ZNF865: variants seen among roughly 807,000 people sequenced by gnomAD.
ZNF865 encodes zinc finger protein 865.
For missense variants in ZNF865, 1,311 were observed against 1,593.4 expected (o/e 0.82, Z 3.02); for synonymous variants, 763 against 750.8 (o/e 1.02, Z -0.27).
chr19:55,614,912 G>C lies in ZNF865; in HGVS notation c.1294G>C (p.Ala432Pro). The C allele has an allele frequency of 6.7e-7, 1 of 1,486,306 alleles. No homozygotes were observed. The highest frequency in any genetic ancestry group is 8.9e-7 in the Non-Finnish European group (1 of 1,123,580). The allele number at this position is 1,486,306 out of a possible 1,614,324, so 92.1% of individuals were successfully genotyped here. A position where few individuals can be genotyped will look rare whatever the true frequency, so the allele number is the denominator to read the frequency against. The change falls in exon 2 of 2, where the codon GCG (alanine) becomes CCG (proline). Residue 432 changes from alanine (A) to proline (P), a missense_variant. Coordinates refer to ENST00000568956, the MANE Select transcript of ZNF865 (RefSeq NM_001195605.2). This position sits in a 1 kb window ranked among gnomAD's most constrained non-coding sequence, Gnocchi z 8.0. ...LLKHQAAHAG[A>P]GAGGPRPVYP... ...CAAGCACCAGGCGGCCCACGCGGGG[G>C]CGGGCGCCGGGGGGCCTCGGCCCGT...
chr19:55,612,537 T>G (rs1381880099), intron 1 of ZNF865: 3 of 152,276 alleles, frequency 2.0e-5, no homozygotes, highest in Admixed American at 2.0e-4. Flanking sequence ...GGTCTTGCTC[T>G]GTCACCCAGG....
At position 55,614,603 on chromosome 19, in the gene ZNF865, G is replaced by T. The variant is rs560744526; in HGVS notation, c.985G>T (p.Gly329Trp). ...CGTGGCGCCTGCCCCCTCCGCAGAC[G>T]GGAGCGCCGCCCCTGCTGGTGTTGG... ...TPVAPAPSAD[G>W]SAAPAGVGVP... Residue 329 changes from glycine to tryptophan, a missense_variant, in exon 2 of 2, where the codon GGG (glycine) becomes TGG (tryptophan). Gly to Trp is a radical substitution (Grantham distance 184, BLOSUM62 -2). Transcript: ENST00000568956. This position sits in a 1 kb window ranked among gnomAD's most constrained non-coding sequence, Gnocchi z 8.0. 4 of 1,523,902 alleles carry T rather than the reference G, an allele frequency of 2.6e-6. No individual in the cohort carries two copies. The highest frequency in any genetic ancestry group is 1.8e-6 in the Non-Finnish European group (2 of 1,141,264). 94.4% of individuals were successfully genotyped at this position (1,523,902 alleles called of 1,614,324 possible). A position where few individuals can be genotyped will look rare whatever the true frequency, so the allele number is the denominator to read the frequency against.
Position 55,609,320 on chromosome 19 carries a change from C to A in ZNF865, c.-27+3588C>A, listed in dbSNP as rs1803107000. 2.0e-5 allele frequency among the ~76,000 whole-genome samples: 3 copies of A among 152,184 alleles called. No individual in the cohort carries two copies. In the South Asian group the frequency reaches 6.2e-4, roughly 31 times the overall value. On this transcript the variant is annotated intron_variant, in intron 1 of 1. Coordinates refer to ENST00000568956, the MANE Select transcript of ZNF865 (RefSeq NM_001195605.2). Reference sequence around the variant, plus strand: ...ACAGGCATGAGCCACCATGCCTGGCCTGACTTTGGAAGTTTAATTTATCTC... The same window carrying A: ...ACAGGCATGAGCCACCATGCCTGGCATGACTTTGGAAGTTTAATTTATCTC...
rs1432909130 is a variant in ZNF865, at chr19:55,614,523, GCGCCGCCAC to G, written c.913_921del (p.Thr305_Ala307del). On this transcript the variant is annotated inframe_deletion, in exon 2 of 2. Coordinates refer to ENST00000568956, the MANE Select transcript of ZNF865 (RefSeq NM_001195605.2). This position sits in a 1 kb window ranked among gnomAD's most constrained non-coding sequence, Gnocchi z 8.0. ...CTGGGCCTCCCAGCACCCGCTGCCA[GCGCCGCCAC>G]CGCCGCCGCCCCCTCCACGGTGTCC... 8.3e-6 allele frequency: 11 copies of G among 1,332,608 alleles called. No homozygotes were observed. Among genetic ancestry groups the G allele is most frequent in the Middle Eastern group, 2.6e-4 (1 of 3,810 alleles). The allele number at this position is 1,332,608 out of a possible 1,614,324, so 82.5% of individuals were successfully genotyped here.
At chr19:55,608,312 C>CTTTT (rs758447041) in intron 1 of ZNF865, among the ~76,000 whole-genome samples, 1 of 125,290 alleles carries the variant, frequency 8.0e-6, no homozygotes, top group Non-Finnish European at 1.7e-5. Context: ...AGGACTGTGG[C>CTTTT]TTTTTTTTTT....
At chr19:55,609,897 A>G (rs1981070583) in intron 1 of ZNF865, among the ~76,000 whole-genome samples, 1 of 152,192 alleles carries the variant, frequency 6.6e-6, no homozygotes, top group African/African-American at 2.4e-5. Context: ...TGTATGAAAG[A>G]GGGAATGTTT....
rs954729497 is a variant in ZNF865, at chr19:55,611,593, T to A, written c.-26-2000T>A. Among the ~76,000 whole-genome samples the A allele has an allele frequency of 2.0e-5, 3 of 152,098 alleles. No homozygotes were observed. Among genetic ancestry groups the A allele is most frequent in the Non-Finnish European group, 4.4e-5 (3 of 68,026 alleles). On this transcript the variant is annotated intron_variant, in intron 1 of 1. Transcript: ENST00000568956. This position sits in a 1 kb window ranked among gnomAD's most constrained non-coding sequence, Gnocchi z 4.5. ...CACCCGGAGCTGGAGACTAAAAATA[T>A]CTCACTCCAGGATGGCGTTTGGGGT...
Position 55,616,877 on chromosome 19 carries a change from C to G in ZNF865, c.*79C>G, listed in dbSNP as rs73058308. 78,646 of 1,360,310 alleles carry G rather than the reference C, an allele frequency of 0.058. 2,601 individuals carry two copies. Among genetic ancestry groups the G allele is most frequent in the Non-Finnish European group, 0.066 (69,605 of 1,047,452 alleles). The allele number at this position is 1,360,310 out of a possible 1,614,324, so 84.3% of individuals were successfully genotyped here. A position where few individuals can be genotyped will look rare whatever the true frequency, so the allele number is the denominator to read the frequency against. ...CCCAGGACTGATCAGACTCTTCCCC[C>G]CTCCTCGCTGTTGCCCCATCCTTCA... is the stretch of plus-strand genomic sequence containing the variant. On this transcript the variant is annotated 3_prime_UTR_variant, in exon 2 of 2. Coordinates refer to ENST00000568956, the MANE Select transcript of ZNF865 (RefSeq NM_001195605.2).
At chr19:55,610,860 G>A (rs1981107676) in intron 1 of ZNF865, among the ~76,000 whole-genome samples, 1 of 152,150 alleles carries the variant, frequency 6.6e-6, no homozygotes, top group African/African-American at 2.4e-5. Flanking sequence ...AGAGACCCAA[G>A]GAGGCTCCAG....
chr19:55,606,317 C>A (rs1387280781), intron 1 of ZNF865, among the ~76,000 whole-genome samples: 1 of 152,048 alleles, frequency 6.6e-6, no homozygotes, highest in Non-Finnish European at 1.5e-5. Flanking sequence ...TTCTGCAGGT[C>A]CTCCAGTGAT....
chr19:55,615,275 G>A lies in ZNF865; in HGVS notation c.1657G>A (p.Gly553Ser), dbSNP rs1363348887. ...CGTCCCAGGAAAGACGTTCTGCTGC[G>A]GCATCTGCGGGCGCGGCTTCGGGCG... ...ASVPGKTFCC[G>S]ICGRGFGRRE... The change falls in exon 2 of 2, where the codon GGC becomes AGC. Residue 553 changes from glycine to serine, a missense_variant. Physicochemically the swap from Gly to Ser is moderately conservative, Grantham distance 56. Transcript: ENST00000568956. The A allele has an allele frequency of 6.6e-7, 1 of 1,525,142 alleles. No individual in the cohort carries two copies. Among genetic ancestry groups the A allele is most frequent in the East Asian group, 2.5e-5 (1 of 39,636 alleles). 94.5% of individuals were successfully genotyped at this position (1,525,142 alleles called of 1,614,324 possible).
At position 55,614,986 on chromosome 19, in the gene ZNF865, G is replaced by T; in HGVS notation, c.1368G>T (p.Leu456=). Residue 456 remains leucine, a synonymous_variant, in exon 2 of 2, where the codon CTG becomes CTT. Transcript: ENST00000568956. The surrounding 1 kb of genome is among the most constrained non-coding windows in gnomAD (Gnocchi z 8.0). ...CGKSYSAPQS[L]LRHKAAHAPP... ...AGTCCTACTCGGCTCCGCAGAGCCT[G>T]CTCCGCCACAAGGCCGCCCACGCCC... 1 of 1,416,694 alleles carries T rather than the reference G, an allele frequency of 7.1e-7. No individual in the cohort carries two copies. Among genetic ancestry groups the T allele is most frequent in the Middle Eastern group, 2.0e-4 (1 of 5,024 alleles). The allele number at this position is 1,416,694 out of a possible 1,614,324, so 87.8% of individuals were successfully genotyped here. A position where few individuals can be genotyped will look rare whatever the true frequency, so the allele number is the denominator to read the frequency against.
rs2123589982 is a variant in ZNF865, at chr19:55,613,674, G to A, written c.56G>A (p.Gly19Glu). ...GAGGGGSSGI[G>E]GEDGVHFQSY... ...GGGGGTGGCGGGAGCAGCGGCATCG[G>A]GGGCGAGGACGGGGTGCACTTCCAG... The change falls in exon 2 of 2, where the codon GGG becomes GAG. Residue 19 changes from glycine (G) to glutamate (E), a missense_variant. Gly to Glu is a moderately conservative substitution (Grantham distance 98). Coordinates refer to ENST00000568956, the MANE Select transcript of ZNF865 (RefSeq NM_001195605.2). The A allele has an allele frequency of 6.5e-7, 1 of 1,531,518 alleles. No homozygotes were observed. Among genetic ancestry groups the A allele is most frequent in the Non-Finnish European group, 8.7e-7 (1 of 1,144,914 alleles). 94.9% of individuals were successfully genotyped at this position (1,531,518 alleles called of 1,614,324 possible).
In ZNF865 at chr19:55,616,034, G is replaced by A. The variant is rs751602394; in HGVS notation, c.2416G>A (p.Gly806Ser). 173 of 1,525,772 alleles carry A rather than the reference G, an allele frequency of 1.1e-4. No individual in the cohort carries two copies. Among genetic ancestry groups the A allele is most frequent in the Non-Finnish European group, 1.3e-4 (154 of 1,142,404 alleles). The allele number at this position is 1,525,772 out of a possible 1,614,324, so 94.5% of individuals were successfully genotyped here. The change falls in exon 2 of 2, where the codon GGC becomes AGC. Residue 806 changes from glycine (G) to serine (S), a missense_variant. By Grantham distance (56) the Gly-to-Ser change is moderately conservative. Transcript: ENST00000568956. ...CGGCCAGAGTTTCAAGCACTTCCTG[G>A]GCCTCGTGACTCACAAGTACGTGCA... ...TCGQSFKHFL[G>S]LVTHKYVHLV...
chr19:55,616,973 C>G lies in ZNF865; in HGVS notation c.*175C>G. 1.7e-6 allele frequency: 1 copy of G among 589,744 alleles called. No homozygotes were observed. The highest frequency in any genetic ancestry group is 2.7e-6 in the Non-Finnish European group (1 of 369,304). 36.5% of individuals were successfully genotyped at this position (589,744 alleles called of 1,614,324 possible). A position where few individuals can be genotyped will look rare whatever the true frequency, so the allele number is the denominator to read the frequency against. On this transcript the variant is annotated 3_prime_UTR_variant, in exon 2 of 2. Coordinates refer to ENST00000568956, the MANE Select transcript of ZNF865 (RefSeq NM_001195605.2). ...CTCAAGACTGAATCACTCCCATCCT[C>G]GACCTCTCTGCCCTCCCCTCATCCC...
rs1013093087 is a variant in ZNF865 at position 55,611,726 on chromosome 19, G to A, written c.-26-1867G>A. On this transcript the variant is annotated intron_variant, in intron 1 of 1. Transcript: ENST00000568956. This position sits in a 1 kb window ranked among gnomAD's most constrained non-coding sequence, Gnocchi z 4.5. ...TAGGAACCCCCTTGACCCCCATAGC[G>A]GGCTGGGCTTAGAGCCTGGCCCCCA... Among the ~76,000 whole-genome samples, 7 of 152,146 alleles carry A rather than the reference G, an allele frequency of 4.6e-5. No individual in the cohort carries two copies. The highest frequency in any genetic ancestry group is 1.7e-4 in the African/African-American group (7 of 41,422).
chr19:55,615,200 C>A lies in ZNF865; in HGVS notation c.1582C>A (p.Leu528Met). ...VPVPLLGAHPLLLGGAGTSGA... is the reference protein window; with the variant it reads ...VPVPLLGAHPMLLGGAGTSGA... ...CGTCCCGCTCCTGGGCGCCCACCCG[C>A]TGCTGCTCGGCGGCGCGGGGACCAG... Residue 528 changes from leucine to methionine, a missense_variant, in exon 2 of 2, where the codon CTG (leucine) becomes ATG (methionine). Physicochemically the swap from Leu to Met is conservative, Grantham distance 15. Transcript: ENST00000568956. The A allele has an allele frequency of 7.0e-7, 1 of 1,426,732 alleles. No homozygotes were observed. The highest frequency in any genetic ancestry group is 9.1e-7 in the Non-Finnish European group (1 of 1,101,866). The allele number at this position is 1,426,732 out of a possible 1,614,324, so 88.4% of individuals were successfully genotyped here.
In ZNF865 at chr19:55,615,235, A is replaced by G; in HGVS notation, c.1617A>G (p.Gly539=). The change falls in exon 2 of 2, where the codon GGA becomes GGG. Residue 539 remains glycine, a synonymous_variant. Coordinates refer to ENST00000568956, the MANE Select transcript of ZNF865 (RefSeq NM_001195605.2). ...GCGGCGCGGGGACCAGCGGGGCGGGAGGCTCGGGCGCCAGCGTCCCAGGAA... is the reference window on the plus strand; with the variant it reads ...GCGGCGCGGGGACCAGCGGGGCGGGGGGCTCGGGCGCCAGCGTCCCAGGAA... ...LLGGAGTSGA[G]GSGASVPGKT... 1 of 1,506,948 alleles carries G rather than the reference A, an allele frequency of 6.6e-7. No homozygotes were observed. The highest frequency in any genetic ancestry group is 1.2e-5 in the South Asian group (1 of 80,598). 93.3% of individuals were successfully genotyped at this position (1,506,948 alleles called of 1,614,324 possible).
Position 55,615,010 on chromosome 19 carries a change from C to T in ZNF865, c.1392C>T (p.Ala464=). The change falls in exon 2 of 2, where the codon GCC becomes GCT. Residue 464 remains alanine, a synonymous_variant. Transcript: ENST00000568956. ...QSLLRHKAAH[A]PPAAAAEAPK... is the part of the protein sequence containing the mutation. The stretch of plus-strand genomic sequence containing the variant: ...TGCTCCGCCACAAGGCCGCCCACGC[C>T]CCGCCCGCTGCCGCTGCGGAGGCGC... 6 of 1,361,494 alleles carry T rather than the reference C, an allele frequency of 4.4e-6. No individual in the cohort carries two copies. Among genetic ancestry groups the T allele is most frequent in the East Asian group, 3.2e-5 (1 of 30,790 alleles). The allele number at this position is 1,361,494 out of a possible 1,614,324, so 84.3% of individuals were successfully genotyped here.
Sources: allele counts gnomAD v4.1 joint callset (sites outside exome capture counted in the v4.1 genomes callset), GRCh38; gene constraint gnomAD v4.1.1; non-coding constraint Gnocchi (gnomAD v3.1); transcripts MANE v1.5; gene names NCBI Gene and HGNC (gene_info 2026-07-23, HGNC 2026-07-21).